The following MLH3 variants were observed in gnomAD, a reference collection of about 807,000 sequenced individuals.
MLH3 encodes the protein DNA mismatch repair protein Mlh3.
Under a neutral mutation model 122.2 loss-of-function variants are expected in MLH3, and 82 were observed. That is an observed-to-expected ratio of 0.67 (90% CI 0.56 to 0.81). The LOEUF (loss-of-function observed/expected upper bound fraction) is 0.81. Among genes scored for constraint, MLH3 ranks in the 30% least tolerant of loss-of-function variants. The probability of loss-of-function intolerance (pLI) is 0.00; values close to 1 mark genes in which losing one functional copy is unlikely to be tolerated. For missense variants in MLH3, 1,539 were observed against 1,714.5 expected, an observed-to-expected ratio of 0.90 and a Z score of 1.81; for synonymous variants, 524 against 599.5, an observed-to-expected ratio of 0.87 and a Z score of 1.84.
Position 75,042,119 on chromosome 14 carries a change from T to C in MLH3, c.3379+260A>G, listed in dbSNP as rs55980197. 2.6e-5 allele frequency among the ~76,000 whole-genome samples: 4 copies of C among 152,314 alleles called. No homozygotes were observed. The East Asian group carries it at 7.7e-4, about 29-fold the overall frequency. On this transcript the variant is annotated intron_variant, in intron 3 of 12. Transcript: ENST00000355774. ...AGTGCAAGTCCAGCCTTTTTAAAAA[T>C]AAGAAACATGTCCCCTAATCACAAG...
At chr14:75,044,034 A>G (rs1389915007) in intron 2 of MLH3, among the ~76,000 whole-genome samples, 2 of 152,290 alleles carry the variant, frequency 1.3e-5, no homozygotes, top group East Asian at 3.9e-4. Flanking sequence ...GGTTGCAGTG[A>G]GCCGAGATCG....
In MLH3 at chr14:75,015,770, C is replaced by T. The variant is rs559234350; in HGVS notation, c.*1312G>A. On this transcript the variant is annotated 3_prime_UTR_variant, in exon 13 of 13. Coordinates refer to ENST00000355774, the MANE Select transcript of MLH3 (RefSeq NM_001040108.2). ...TTCTCTGAACCTTCTCTGGGGCAGA[C>T]GCTAATGAATGCAATACTTTCATTG... is the stretch of plus-strand genomic sequence containing the variant. 23 of 223,610 alleles carry T rather than the reference C, an allele frequency of 1.0e-4. No homozygotes were observed. The South Asian group carries it at 3.7e-3, about 36-fold the overall frequency. The allele number at this position is 223,610 out of a possible 1,614,324, so 13.9% of individuals were successfully genotyped here.
intron 2 of MLH3, among the ~76,000 whole-genome samples, chr14:75,043,365 T>C (rs1021589702): frequency 3.3e-5 from 5 of 152,238 alleles, no homozygotes; most frequent in African/African-American, 2.4e-5. Context: ...TCTTCCCTAA[T>C]AGTACTGTGA....
intron 11 of MLH3, among the ~76,000 whole-genome samples, chr14:75,022,267 C>CAA (rs1457733737): frequency 6.6e-6 from 1 of 152,202 alleles, no homozygotes; most frequent in Non-Finnish European, 1.5e-5. Context: ...CTGCGACATG[C>CAA]AACTCACCCA....
At chr14:75,027,340 A>G (rs928413280) in intron 9 of MLH3, among the ~76,000 whole-genome samples, 1 of 151,158 alleles carries the variant, frequency 6.6e-6, no homozygotes, top group African/African-American at 2.4e-5. Flanking sequence ...GCTCATTGCA[A>G]CTTCCGCCTC....
At chr14:75,025,928 T>G (rs561971817) in intron 9 of MLH3, among the ~76,000 whole-genome samples, 22 of 152,300 alleles carry the variant, frequency 1.4e-4, no homozygotes, top group African/African-American at 4.8e-4. Flanking sequence ...TGTTTTCTCC[T>G]TTATTCCTTT....
intron 8 of MLH3, 100 bp from the exon 9 acceptor site, chr14:75,030,802 C>T (rs2139390447): frequency 1.0e-6 from 1 of 982,158 alleles, no homozygotes; most frequent in Non-Finnish European, 1.6e-6. Flanking sequence ...TCAAAAGCTG[C>T]CACAGGGCTT....
Position 75,047,362 on chromosome 14 carries a change from T to C in MLH3, c.2294A>G (p.Glu765Gly). 1 of 1,614,190 alleles carries C rather than the reference T, an allele frequency of 6.2e-7. No homozygotes were observed. Among genetic ancestry groups the C allele is most frequent in the Non-Finnish European group, 8.5e-7 (1 of 1,180,030 alleles). Residue 765 changes from glutamate to glycine, a missense_variant, in exon 2 of 13, where the codon GAA (glutamate) becomes GGA (glycine). Coordinates refer to ENST00000355774, the MANE Select transcript of MLH3 (RefSeq NM_001040108.2). Reference protein sequence around the residue: ...EKFKRQYGKVENPLDTEVEES... With the variant: ...EKFKRQYGKVGNPLDTEVEES... Reference sequence around the variant, plus strand: ...CTCTACTTCTGTATCCAGAGGATTTTCAACCTTCCCATATTGCCTCTTAAA... The same window carrying C: ...CTCTACTTCTGTATCCAGAGGATTTCCAACCTTCCCATATTGCCTCTTAAA...
At chr14:75,019,343 G>A (rs1232914614) in intron 11 of MLH3, among the ~76,000 whole-genome samples, 3 of 145,542 alleles carry the variant, frequency 2.1e-5, no homozygotes, top group Non-Finnish European at 4.5e-5. Context: ...CCAGGAGGCG[G>A]GGGTTGCAGT....
rs41555714 is a variant in MLH3 at position 75,046,745 on chromosome 14, C to T, written c.2911G>A (p.Val971Ile). Residue 971 changes from valine (V) to isoleucine (I), a missense_variant, in exon 2 of 13, where the codon GTA becomes ATA. Val to Ile is a conservative substitution (Grantham distance 29). Coordinates refer to ENST00000355774, the MANE Select transcript of MLH3 (RefSeq NM_001040108.2). Reference sequence around the variant, plus strand: ...ACTTTAGAATTATTATAGGGCAATACCAAAGGAGTTTCTGATATCACACAG... The same window carrying T: ...ACTTTAGAATTATTATAGGGCAATATCAAAGGAGTTTCTGATATCACACAG... ...ENCVISETPL[V>I]LPYNNSKVTG... 6.5e-4 allele frequency: 1,053 copies of T among 1,614,018 alleles called. 2 individuals carry two copies. The highest frequency in any genetic ancestry group is 5.6e-4 in the Non-Finnish European group (662 of 1,180,022).
intron 8 of MLH3, among the ~76,000 whole-genome samples, chr14:75,031,216 A>AT (rs1891025822): frequency 6.6e-6 from 1 of 152,166 alleles, no homozygotes; most frequent in African/African-American, 2.4e-5. Flanking sequence ...TTTCTTTTTC[A>AT]TTTTCAATAA....
rs756155761 is a variant in MLH3, at chr14:75,047,340, T to C, written c.2316A>G (p.Val772=). Residue 772 remains valine, a synonymous_variant, in exon 2 of 13, where the codon GTA becomes GTG. Coordinates refer to ENST00000355774, the MANE Select transcript of MLH3 (RefSeq NM_001040108.2). ...GKVENPLDTE[V]EESNGVTTNL... is the part of the protein sequence containing the mutation. ...TGGTAGTGACTCCATTACTTTCCTC[T>C]ACTTCTGTATCCAGAGGATTTTCAA... The C allele has an allele frequency of 6.2e-7, 1 of 1,614,168 alleles. No individual in the cohort carries two copies. Among genetic ancestry groups the C allele is most frequent in the Non-Finnish European group, 8.5e-7 (1 of 1,180,014 alleles).
At position 75,016,270 on chromosome 14, in the gene MLH3, A is replaced by G. The variant is rs73307800; in HGVS notation, c.*812T>C. ...ATATTTGGTTAGGTTGAACGTATGT[A>G]TGCTGTGTTTTGATATGACAATTGC... On this transcript the variant is annotated 3_prime_UTR_variant, in exon 13 of 13. Transcript: ENST00000355774. 7.7e-4 allele frequency: 157 copies of G among 204,168 alleles called. 2 individuals are homozygous for G. The highest frequency in any genetic ancestry group is 3.0e-3 in the African/African-American group (133 of 43,880). The allele number at this position is 204,168 out of a possible 1,614,324, so 12.6% of individuals were successfully genotyped here.
At chr14:75,044,676 A>G (rs1335291472) in intron 2 of MLH3, among the ~76,000 whole-genome samples, 2 of 152,238 alleles carry the variant, frequency 1.3e-5, no homozygotes, top group African/African-American at 2.4e-5. Flanking sequence ...TGAAGTTACT[A>G]CAGTGATTTT....
rs1216832506 is a variant in MLH3, at chr14:75,046,500, C to T, written c.3156G>A (p.Leu1052=). 1.2e-6 allele frequency: 2 copies of T among 1,614,196 alleles called. No homozygotes were observed. The highest frequency in any genetic ancestry group is 1.7e-5 in the Admixed American group (1 of 60,014). The change falls in exon 2 of 13, where the codon CTG becomes CTA. Residue 1052 remains leucine, a synonymous_variant. Coordinates refer to ENST00000355774, the MANE Select transcript of MLH3 (RefSeq NM_001040108.2). ...SDWQRHFDVA[L]GRMVYVNKMT... Reference sequence around the variant, plus strand: ...TTTTGTTGACATAAACCATTCTTCCCAGGGCTACATCGAAATGCCGCTGCC... The same window carrying T: ...TTTTGTTGACATAAACCATTCTTCCTAGGGCTACATCGAAATGCCGCTGCC...
At chr14:75,040,128 TG>T (rs1891733874) in intron 4 of MLH3, 113 bp from the exon 5 acceptor site, 9 of 598,736 alleles carry the variant, frequency 1.5e-5, no homozygotes, top group Non-Finnish European at 2.8e-5. Flanking sequence ...CTACTAGAGG[TG>T]GGTTTAATTC....
rs764432966 is a variant in MLH3 at position 75,047,131 on chromosome 14, T to C, written c.2525A>G (p.Gln842Arg). ...FSKDEDCLEQ[Q>R]MPSLRESPMT... ...AGGACTTTCTCTCAAACTAGGCATC[T>C]GTTGTTCTAAACAATCTTCATCCTT... Residue 842 changes from glutamine (Q) to arginine (R), a missense_variant, in exon 2 of 13, where the codon CAG becomes CGG. Transcript: ENST00000355774. 6.2e-7 allele frequency: 1 copy of C among 1,614,208 alleles called. No homozygotes were observed. The highest frequency in any genetic ancestry group is 8.5e-7 in the Non-Finnish European group (1 of 1,180,016).
Position 75,049,224 on chromosome 14 carries a change from A to G in MLH3, c.432T>C (p.Thr144=), listed in dbSNP as rs757190143. The G allele has an allele frequency of 6.2e-7, 1 of 1,614,232 alleles. No homozygotes were observed. The highest frequency in any genetic ancestry group is 1.1e-5 in the South Asian group (1 of 91,082). ...AAAATAGGTTATACACTGTTACAGT[A>G]GTCCCAGCGCTTGCTCTAGTCACAT... The part of the protein sequence containing the change: ...EADVTRASAG[T]TVTVYNLFYQ... Residue 144 remains threonine (T), a synonymous_variant, in exon 2 of 13, where the codon ACT becomes ACC. Coordinates refer to ENST00000355774, the MANE Select transcript of MLH3 (RefSeq NM_001040108.2).
intron 6 of MLH3, among the ~76,000 whole-genome samples, chr14:75,035,178 T>C (rs902964417): frequency 1.3e-5 from 2 of 151,324 alleles, no homozygotes; most frequent in African/African-American, 2.4e-5. Context: ...GTATCATTAG[T>C]AGAGATTCTG....
Sources: gnomAD v4.1 joint callset for allele counts (sites outside exome capture counted in the v4.1 genomes callset) on GRCh38, gnomAD v4.1.1 for gene constraint, MANE v1.5 for transcripts, NCBI Gene and HGNC (gene_info 2026-07-23, HGNC 2026-07-21) for gene names.